ADCYAP1R1: variants seen among roughly 807,000 people sequenced by gnomAD.
ADCYAP1R1 encodes the protein ADCYAP receptor type I.
Under a neutral mutation model 67.6 loss-of-function variants are expected in ADCYAP1R1, and 44 were observed. The ratio of observed to expected loss-of-function variants is 0.65; its 90% CI spans 0.51 to 0.84. ADCYAP1R1 has a LOEUF of 0.84. Ranked by LOEUF, ADCYAP1R1 falls within the 40% of genes least tolerant of loss-of-function variation. The pLI is 0.00. For missense variants in ADCYAP1R1, 477 were observed against 587.9 expected (o/e 0.81, Z 1.95); for synonymous variants, 222 against 219.6 (o/e 1.01, Z -0.10).
rs1453059477 is a variant in ADCYAP1R1, at chr7:31,076,556, C to T, written c.158-1435C>T. Among the ~76,000 whole-genome samples, 9 of 152,322 alleles carry T rather than the reference C, an allele frequency of 5.9e-5. No individual in the cohort carries two copies. The South Asian group carries it at 8.3e-4, about 14-fold the overall frequency. ...GGGGATTCCTCAACACCTCTCAGTT[C>T]GTCTGTCCCTTCCTCTCCATCAGTC... is the stretch of plus-strand genomic sequence containing the variant. On this transcript the variant is annotated intron_variant, in intron 3 of 15. Transcript: ENST00000304166.
intron 3 of ADCYAP1R1, among the ~76,000 whole-genome samples, chr7:31,066,750 T>A (rs765411739): frequency 2.1e-4 from 32 of 152,128 alleles, no homozygotes; most frequent in Non-Finnish European, 4.4e-4. Context: ...AATGAGAAGC[T>A]GGTGTTGAGA....
At chr7:31,093,792 G>T (rs1796069334) in intron 13 of ADCYAP1R1, among the ~76,000 whole-genome samples, 1 of 152,104 alleles carries the variant, frequency 6.6e-6, no homozygotes, top group African/African-American at 2.4e-5. Context: ...CCCAGTAGAT[G>T]CTGGGGTCAC....
chr7:31,095,268 A>G (rs538571551), intron 13 of ADCYAP1R1, among the ~76,000 whole-genome samples: 24 of 151,708 alleles, frequency 1.6e-4, no homozygotes, highest in Non-Finnish European at 3.1e-4. Context: ...ATCCAGGAGG[A>G]AGGAGGATGC....
intron 3 of ADCYAP1R1, among the ~76,000 whole-genome samples, chr7:31,075,298 C>A (rs182534853): frequency 6.6e-6 from 1 of 152,172 alleles, no homozygotes; most frequent in Non-Finnish European, 1.5e-5. Context: ...GAGCTTTGCA[C>A]GTATGAACTC....
chr7:31,100,749 A>G (rs1013877296), intron 13 of ADCYAP1R1, among the ~76,000 whole-genome samples: 1 of 152,188 alleles, frequency 6.6e-6, no homozygotes, highest in Non-Finnish European at 1.5e-5. Context: ...TCACTCACTC[A>G]AGGACCCCTA....
Position 31,085,434 on chromosome 7 carries a change from A to C in ADCYAP1R1, c.661A>C (p.Ile221Leu), listed in dbSNP as rs779909586. 1 of 1,613,000 alleles carries C rather than the reference A, an allele frequency of 6.2e-7. No individual in the cohort carries two copies. The highest frequency in any genetic ancestry group is 8.5e-7 in the Non-Finnish European group (1 of 1,179,872). Residue 221 changes from isoleucine to leucine, a missense_variant, in exon 9 of 16, where the codon ATC (isoleucine) becomes CTC (leucine). Ile to Leu is a conservative substitution (Grantham distance 5). Transcript: ENST00000304166. ...YAEQDSNHCF[I>L]STVECKAVMV... is the part of the protein sequence containing the mutation. The stretch of plus-strand genomic sequence containing the variant: ...GGAGCAGGACAGCAACCACTGCTTC[A>C]TCTCCACTGTGAGTGAGCCAAGCAG...
At chr7:31,105,470 GT>G (rs1244436665) in intron 15 of ADCYAP1R1, among the ~76,000 whole-genome samples, 1 of 152,260 alleles carries the variant, frequency 6.6e-6, no homozygotes, top group African/African-American at 2.4e-5. Context: ...TGCCAGAGCT[GT>G]GGTTCGGGGG....
intron 3 of ADCYAP1R1, 55 bp downstream of exon 3, chr7:31,064,991 T>C (rs1027448905): frequency 2.2e-6 from 3 of 1,394,800 alleles, no homozygotes; most frequent in Non-Finnish European, 3.0e-6. Context: ...TTTAGAACTG[T>C]TTTCCTGTGC....
chr7:31,056,465 C>T (rs1027983341), intron 1 of ADCYAP1R1, among the ~76,000 whole-genome samples: 1 of 152,124 alleles, frequency 6.6e-6, no homozygotes, highest in Non-Finnish European at 1.5e-5. Flanking sequence ...TGTAGTGAAC[C>T]AGGTCCTGCC....
At chr7:31,097,821 G>A (rs969633086) in intron 13 of ADCYAP1R1, among the ~76,000 whole-genome samples, 1 of 152,214 alleles carries the variant, frequency 6.6e-6, no homozygotes, top group African/African-American at 2.4e-5. Context: ...AGTTGGGGGG[G>A]GGTCTCCTGG....
At chr7:31,081,812 A>G in intron 6 of ADCYAP1R1, 58 bp downstream of exon 6, 7 of 1,458,736 alleles carry the variant, frequency 4.8e-6, no homozygotes, top group African/African-American at 1.4e-5. Flanking sequence ...GTCTGCTGAC[A>G]TGTGAGCTTT....
At chr7:31,101,941 C>T (rs1167452174) in intron 13 of ADCYAP1R1, among the ~76,000 whole-genome samples, 1 of 152,202 alleles carries the variant, frequency 6.6e-6, no homozygotes, top group Non-Finnish European at 1.5e-5. Context: ...TGGTCCTCTT[C>T]CTTTACGGGC....
intron 3 of ADCYAP1R1, among the ~76,000 whole-genome samples, chr7:31,072,338 C>T (rs1795026286): frequency 6.6e-6 from 1 of 152,120 alleles, no homozygotes; most frequent in Admixed American, 6.5e-5. Context: ...GCTGTGGAAG[C>T]TTATGAGGGA....
intron 1 of ADCYAP1R1, among the ~76,000 whole-genome samples, chr7:31,057,606 C>G (rs1794306392): frequency 6.6e-6 from 1 of 152,118 alleles, no homozygotes; most frequent in East Asian, 1.9e-4. Context: ...GCCCCTGGCC[C>G]AGGAGTTTGT....
intron 13 of ADCYAP1R1, chr7:31,099,999 A>G (rs1451090227): frequency 2.3e-6 from 2 of 874,106 alleles, no homozygotes; most frequent in African/African-American, 1.7e-5. Flanking sequence ...TGGCTCCCTC[A>G]TTCTCCTCCA....
At chr7:31,057,861 A>T (rs1209085751) in intron 1 of ADCYAP1R1, among the ~76,000 whole-genome samples, 1 of 152,158 alleles carries the variant, frequency 6.6e-6, no homozygotes, top group Admixed American at 6.5e-5. Context: ...TGATGTACTT[A>T]GCCTGGCCAT....
intron 12 of ADCYAP1R1, 149 bp downstream of exon 12, chr7:31,087,845 C>G: frequency 5.2e-6 from 3 of 573,012 alleles, no homozygotes; most frequent in Non-Finnish European, 9.2e-6. Flanking sequence ...TGCACAAACT[C>G]TTTAGCTATT....
Position 31,109,474 on chromosome 7 carries a change from C to G in ADCYAP1R1, c.*2790C>G, listed in dbSNP as rs1306016078. 1 of 152,150 alleles carries G rather than the reference C, an allele frequency of 6.6e-6. No individual in the cohort carries two copies. The highest frequency in any genetic ancestry group is 1.5e-5 in the Non-Finnish European group (1 of 68,068). The allele number at this position is 152,150 out of a possible 1,614,324, so 9.4% of individuals were successfully genotyped here. On this transcript the variant is annotated 3_prime_UTR_variant, in exon 16 of 16. Transcript: ENST00000304166. ...CCCAGGACTGTGGTATTTGCCTGGG[C>G]CAGGAAAGGATAAGAAATCCTGTCA...
At chr7:31,059,576 C>G (rs1327327168) in intron 1 of ADCYAP1R1, among the ~76,000 whole-genome samples, 1 of 152,122 alleles carries the variant, frequency 6.6e-6, no homozygotes, top group Non-Finnish European at 1.5e-5. Context: ...GGGGCTTGGC[C>G]TGTCCCTTGA....
Sources: gnomAD v4.1 joint callset for allele counts (sites outside exome capture counted in the v4.1 genomes callset) on GRCh38, gnomAD v4.1.1 for gene constraint, MANE v1.5 for transcripts, NCBI Gene and HGNC (gene_info 2026-07-23, HGNC 2026-07-21) for gene names.